Variants in PDE4D observed in about 807,000 individuals in gnomAD.
PDE4D encodes 3',5'-cyclic-AMP phosphodiesterase 4D.
PDE4D carries 24 observed loss-of-function variants against 87.4 expected under a neutral mutation model. The ratio of observed to expected loss-of-function variants is 0.27; its 90% CI spans 0.20 to 0.39. The LOEUF is 0.39. PDE4D is among the 10% of genes least tolerant of loss of function. The pLI, the probability that PDE4D is intolerant of heterozygous loss-of-function variation, is 1.00. For missense variants in PDE4D, 714 were observed against 1,041.0 expected (o/e 0.69, Z 4.32); for synonymous variants, 384 against 383.2 (o/e 1.00, Z -0.02).
chr5:59,893,431 C>A lies in PDE4D; in HGVS notation c.192G>T (p.Ser64=). 1 of 1,497,620 alleles carries A rather than the reference C, an allele frequency of 6.7e-7. No individual in the cohort carries two copies. The highest frequency in any genetic ancestry group is 8.9e-7 in the Non-Finnish European group (1 of 1,120,472). The allele number at this position is 1,497,620 out of a possible 1,614,324, so 92.8% of individuals were successfully genotyped here. A position where few individuals can be genotyped will look rare whatever the true frequency, so the allele number is the denominator to read the frequency against. ...GCGGACACTGGGGCTGGGGCTGGGG[C>A]GAGGGTGGCGGCGGCGGGGGCAGGT... ...HHHLPPPPPP[S]PQPQPQCPLQ... is the part of the protein sequence containing the mutation. Residue 64 remains serine (S), a synonymous_variant, in exon 1 of 15, where the codon TCG becomes TCT. Transcript: ENST00000340635.
chr5:60,345,089 T>C (rs1758635668), intron 1 of PDE4D, among the ~76,000 whole-genome samples: 1 of 152,106 alleles, frequency 6.6e-6, no homozygotes, highest in Admixed American at 6.6e-5. Context: ...TTTTAGGTCT[T>C]ACTCTCTAAA....
At chr5:60,198,325 C>A (rs1332245993) in intron 1 of PDE4D, among the ~76,000 whole-genome samples, 1 of 151,318 alleles carries the variant, frequency 6.6e-6, no homozygotes, top group African/African-American at 2.4e-5. Flanking sequence ...ATCCCCTAAA[C>A]AAAAGTAATT....
chr5:60,442,746 T>C (rs1026916295), intron 1 of PDE4D, among the ~76,000 whole-genome samples: 1 of 151,798 alleles, frequency 6.6e-6, no homozygotes, highest in African/African-American at 2.4e-5. Context: ...AACAACTCAT[T>C]CTTAGGTCTC....
intron 1 of PDE4D, among the ~76,000 whole-genome samples, chr5:60,197,078 T>TAGAC (rs1562208475): frequency 1.0e-3 from 43 of 41,138 alleles, no homozygotes; most frequent in African/African-American, 1.6e-3. Context: ...GATAGACAGT[T>TAGAC]AGATAGATAG....
intron 5 of PDE4D, among the ~76,000 whole-genome samples, chr5:59,064,186 G>A (rs1303869344): frequency 1.3e-5 from 2 of 152,036 alleles, no homozygotes; most frequent in Non-Finnish European, 2.9e-5. Context: ...CACTGACAAA[G>A]TCTGGAAAAA....
At chr5:59,102,332 C>T (rs1322556427) in intron 5 of PDE4D, among the ~76,000 whole-genome samples, 4 of 152,104 alleles carry the variant, frequency 2.6e-5, no homozygotes, top group Non-Finnish European at 4.4e-5. Flanking sequence ...GTGATCTGCA[C>T]GCCTCGGCCT....
intron 3 of PDE4D, among the ~76,000 whole-genome samples, chr5:59,982,517 C>T (rs994461338): frequency 5.9e-5 from 9 of 152,140 alleles, no homozygotes; most frequent in African/African-American, 2.2e-4. Context: ...GAATGTAAGT[C>T]AGTGCCCAAG....
At chr5:59,835,524 T>C (rs1490164888) in intron 1 of PDE4D, among the ~76,000 whole-genome samples, 1 of 152,082 alleles carries the variant, frequency 6.6e-6, no homozygotes, top group Non-Finnish European at 1.5e-5. Flanking sequence ...AAAGCTATTT[T>C]CTTACAGTTC....
At chr5:59,966,052 C>G (rs1031688406) in intron 3 of PDE4D, among the ~76,000 whole-genome samples, 3 of 152,086 alleles carry the variant, frequency 2.0e-5, no homozygotes, top group African/African-American at 7.2e-5. Context: ...CCTCACAGGC[C>G]CTTGGAGCCC....
intron 2 of PDE4D, among the ~76,000 whole-genome samples, chr5:60,013,658 G>C (rs942513711): frequency 1.3e-5 from 2 of 152,224 alleles, no homozygotes; most frequent in African/African-American, 4.8e-5. Flanking sequence ...CTCTGTGTGA[G>C]AGATTGTTAT....
chr5:59,891,398 T>G (rs1418406148), intron 1 of PDE4D, among the ~76,000 whole-genome samples: 2 of 152,184 alleles, frequency 1.3e-5, no homozygotes, highest in African/African-American at 4.8e-5. Context: ...TCACACGGTA[T>G]TTTTCTATTA....
At chr5:59,820,743 G>A (rs552862623) in intron 1 of PDE4D, among the ~76,000 whole-genome samples, 7 of 152,204 alleles carry the variant, frequency 4.6e-5, no homozygotes, top group Non-Finnish European at 1.0e-4. Flanking sequence ...ACATGGTAGC[G>A]CTCAACTCCC....
intron 1 of PDE4D, among the ~76,000 whole-genome samples, chr5:59,756,810 CTTTTT>C (rs5868192): frequency 1.5e-5 from 2 of 132,268 alleles, no homozygotes; most frequent in African/African-American, 5.7e-5. Flanking sequence ...GAGGTTCTTA[CTTTTT>C]TTTTTTTTTT....
intron 1 of PDE4D, among the ~76,000 whole-genome samples, chr5:60,290,536 G>T (rs1205270039): frequency 6.6e-6 from 1 of 152,126 alleles, no homozygotes. Context: ...GGGAGTGGTG[G>T]CTCACACCTG....
At position 60,509,892 on chromosome 5, in the gene PDE4D, G is replaced by A. The variant is rs566889491; in HGVS notation, n.70+12159C>T. On this transcript the variant is annotated intron_variant and non_coding_transcript_variant, in intron 1 of 2. Transcript: ENST00000506510. ...TCCCTGGTCCAAGACAGGACCTTTGGGTATGGAGGACGATGAAAGGGAATT... is the reference window on the plus strand; with the variant it reads ...TCCCTGGTCCAAGACAGGACCTTTGAGTATGGAGGACGATGAAAGGGAATT... 6.3e-4 allele frequency among the ~76,000 whole-genome samples: 96 copies of A among 152,286 alleles called. 1 individual carries two copies. Among genetic ancestry groups the A allele is most frequent in the African/African-American group, 2.2e-3 (91 of 41,552 alleles).
chr5:59,988,613 G>C (rs769520125), exon 3 of PDE4D: 2 of 1,599,266 alleles, frequency 1.3e-6, no homozygotes, highest in South Asian at 1.1e-5. Context: ...AGGCGAGAGG[G>C]GGAAGCTGAA....
chr5:59,329,941 AT>A (rs1776410627), intron 1 of PDE4D, among the ~76,000 whole-genome samples: 1 of 152,230 alleles, frequency 6.6e-6, no homozygotes, highest in Non-Finnish European at 1.5e-5. Context: ...TTAAATTATA[AT>A]TGTGCAAAGT....
At chr5:60,460,341 A>C in intron 1 of PDE4D, 1 of 992,008 alleles carries the variant, frequency 1.0e-6, no homozygotes, top group South Asian at 1.3e-5. Context: ...CTATTCTGTA[A>C]CCTGATTTAA....
intron 1 of PDE4D, among the ~76,000 whole-genome samples, chr5:59,794,585 C>T (rs1766239262): frequency 6.6e-6 from 1 of 152,088 alleles, no homozygotes; most frequent in African/African-American, 2.4e-5. Flanking sequence ...CAATTGTCAC[C>T]TCCTGCATTG....
Sources: allele counts gnomAD v4.1 joint callset (sites outside exome capture counted in the v4.1 genomes callset), GRCh38; gene constraint gnomAD v4.1.1; transcripts MANE v1.5; gene names NCBI Gene and HGNC (gene_info 2026-07-23, HGNC 2026-07-21).